The following AFF3 variants were observed in gnomAD, a reference collection of about 807,000 sequenced individuals.
AFF3 encodes ALF transcription elongation factor 3.
A neutral mutation model predicts 129.7 loss-of-function variants in AFF3; 32 were observed. That is an observed-to-expected ratio of 0.25 (90% CI 0.19 to 0.33). The LOEUF (loss-of-function observed/expected upper bound fraction) is 0.33, where lower values mean the gene tolerates loss of function less well. AFF3 is among the 10% of genes least tolerant of loss of function. The pLI, the probability that AFF3 is intolerant of heterozygous loss-of-function variation, is 1.00. For missense variants in AFF3, 1,373 were observed against 1,592.0 expected (o/e 0.86, Z 2.34); for synonymous variants, 644 against 635.4 (o/e 1.01, Z -0.20).
intron 4 of AFF3, among the ~76,000 whole-genome samples, chr2:100,070,526 C>T (rs946057088): frequency 2.0e-5 from 3 of 152,158 alleles, no homozygotes; most frequent in African/African-American, 7.2e-5. Flanking sequence ...ATACGATGTT[C>T]ATAGTTTATT....
intron 2 of AFF3, among the ~76,000 whole-genome samples, chr2:100,109,049 G>C (rs1691425250): frequency 6.8e-6 from 1 of 147,932 alleles, no homozygotes; most frequent in Admixed American, 6.9e-5. Context: ...TCAGAAGTCT[G>C]TGGAAACAGC....
chr2:99,691,923 A>G (rs978194429), intron 11 of AFF3, among the ~76,000 whole-genome samples: 1 of 152,256 alleles, frequency 6.6e-6, no homozygotes, highest in Non-Finnish European at 1.5e-5. Context: ...AGCATATTTA[A>G]TTAGTGGCAA....
intron 7 of AFF3, among the ~76,000 whole-genome samples, chr2:99,892,043 C>T (rs1020012269): frequency 1.8e-4 from 27 of 152,244 alleles, no homozygotes; most frequent in Non-Finnish European, 3.4e-4. Context: ...AGGATGGTCT[C>T]AATCTCCTGA....
At chr2:99,578,192 A>C in intron 18 of AFF3, 135 bp downstream of exon 18, 1 of 1,287,774 alleles carries the variant, frequency 7.8e-7, no homozygotes, top group Admixed American at 2.8e-5. Context: ...GGGACATTTA[A>C]ATGACCAAGT....
intron 13 of AFF3, among the ~76,000 whole-genome samples, chr2:99,626,313 C>T (rs72966278): frequency 0.16 from 22,379 of 140,026 alleles, 1,759 homozygotes; most frequent in Non-Finnish European, 0.19. Context: ...AGTCTGCCTC[C>T]CTCCCTTCCT....
At position 99,568,920 on chromosome 2, in the gene AFF3, A is replaced by G. The variant is rs761775003; in HGVS notation, c.2919-5T>C. On this transcript the variant is annotated splice_region_variant and splice_polypyrimidine_tract_variant and intron_variant, in intron 18 of 24. Transcript: ENST00000672756. The stretch of plus-strand genomic sequence containing the variant: ...AAATAATCGGCACTGCGAGGCCTAC[A>G]AGGAGAGAATGATATTAAACGTCAT... 1.2e-6 allele frequency: 2 copies of G among 1,613,860 alleles called. No homozygotes were observed. Among genetic ancestry groups the G allele is most frequent in the Admixed American group, 3.3e-5 (2 of 60,036 alleles).
chr2:99,630,259 G>T (rs139619102), intron 13 of AFF3, among the ~76,000 whole-genome samples: 1 of 152,330 alleles, frequency 6.6e-6, no homozygotes, highest in Non-Finnish European at 1.5e-5. Flanking sequence ...TGCAAAGGGG[G>T]AGGTTAACAC....
chr2:100,038,351 T>A (rs1685147114), intron 4 of AFF3, among the ~76,000 whole-genome samples: 1 of 151,420 alleles, frequency 6.6e-6, no homozygotes, highest in Non-Finnish European at 1.5e-5. Context: ...AACAATCAAG[T>A]TGTCTTATAT....
intron 7 of AFF3, among the ~76,000 whole-genome samples, chr2:99,915,943 T>A (rs1695446542): frequency 6.6e-6 from 1 of 151,978 alleles, no homozygotes; most frequent in African/African-American, 2.4e-5. Context: ...TGAAGAAGAG[T>A]CTGAAATGCT....
chr2:99,977,297 C>T (rs564416139), intron 7 of AFF3, among the ~76,000 whole-genome samples: 6 of 152,270 alleles, frequency 3.9e-5, no homozygotes, highest in South Asian at 2.1e-4. Flanking sequence ...GTCTATCAAT[C>T]GCTCTCACTG....
rs72817099 is a variant in AFF3 at position 99,806,394 on chromosome 2, C to T, written c.921+31083G>A. On this transcript the variant is annotated intron_variant, in intron 8 of 24. Transcript: ENST00000672756. ...TCATGTTCCAGGAAAAGGGCAGACA[C>T]GTAAACAAGCCTAACACTGCAAATG... Among the ~76,000 whole-genome samples, 956 of 152,288 alleles carry T rather than the reference C, an allele frequency of 6.3e-3. 2 individuals are homozygous for T. Among genetic ancestry groups the T allele is most frequent in the Middle Eastern group, 0.017 (5 of 294 alleles).
At chr2:100,108,864 C>G (rs1691414742) in intron 2 of AFF3, among the ~76,000 whole-genome samples, 1 of 142,548 alleles carries the variant, frequency 7.0e-6, no homozygotes, top group African/African-American at 2.6e-5. Context: ...CACTGACATT[C>G]TACACCCTGG....
In AFF3 at chr2:99,549,941, C is replaced by T. The variant is rs1674291869; in HGVS notation, c.*1533G>A. The T allele has an allele frequency of 4.7e-6, 1 of 213,126 alleles. No individual in the cohort carries two copies. Among genetic ancestry groups the T allele is most frequent in the African/African-American group, 2.3e-5 (1 of 44,272 alleles). The allele number at this position is 213,126 out of a possible 1,614,324, so 13.2% of individuals were successfully genotyped here. Reference sequence around the variant, plus strand: ...AAAATGGATTGCACCACATATTACACCGCCTGCCTTTCTCAGACCGTCCTG... The same window carrying T: ...AAAATGGATTGCACCACATATTACATCGCCTGCCTTTCTCAGACCGTCCTG... On this transcript the variant is annotated 3_prime_UTR_variant, in exon 25 of 25. Transcript: ENST00000672756.
intron 7 of AFF3, among the ~76,000 whole-genome samples, chr2:99,992,933 G>A (rs191431715): frequency 2.0e-5 from 3 of 152,282 alleles, no homozygotes; most frequent in East Asian, 3.9e-4. Flanking sequence ...TGGCCAGTAC[G>A]GTGTGAGAAA....
intron 13 of AFF3, chr2:99,631,026 G>A: frequency 2.2e-6 from 1 of 461,782 alleles, no homozygotes; most frequent in Non-Finnish European, 4.5e-6. Context: ...CTGAAGACAG[G>A]GAAACACTGT....
intron 11 of AFF3, among the ~76,000 whole-genome samples, chr2:99,725,081 C>T (rs1679253427): frequency 1.3e-5 from 2 of 151,858 alleles, no homozygotes; most frequent in African/African-American, 4.8e-5. Flanking sequence ...AGTGATTCTC[C>T]TGACTCAGCC....
rs1317146316 is a variant in AFF3, at chr2:100,007,354, C to A, written c.281G>T (p.Gly94Val). ...CTGAGGAACCCCAGGTTTGGGAACT[C>A]CAACGAGATGACTCTGATTGGATCT... is the stretch of plus-strand genomic sequence containing the variant. ...TDRSNQSHLV[G>V]VPKPGVPQTP... is the part of the protein sequence containing the mutation. Residue 94 changes from glycine to valine, a missense_variant, in exon 6 of 25, where the codon GGA becomes GTA. Around this residue, in one of 9 missense-constraint regions of AFF3, gnomAD observed 255 missense variants for 256.0 expected, o/e 1.00. Coordinates refer to ENST00000672756, the MANE Select transcript of AFF3 (RefSeq NM_001386135.1). 1 of 1,614,154 alleles carries A rather than the reference C, an allele frequency of 6.2e-7. No homozygotes were observed. Among genetic ancestry groups the A allele is most frequent in the African/African-American group, 1.3e-5 (1 of 75,042 alleles).
intron 4 of AFF3, among the ~76,000 whole-genome samples, chr2:100,031,754 C>T (rs887353302): frequency 6.6e-6 from 1 of 152,144 alleles, no homozygotes; most frequent in African/African-American, 2.4e-5. Flanking sequence ...TTGAGCAACA[C>T]AATAAAGTAG....
chr2:99,629,864 G>A (rs949242225), intron 13 of AFF3, among the ~76,000 whole-genome samples: 8 of 152,112 alleles, frequency 5.3e-5, no homozygotes, highest in African/African-American at 1.9e-4. Context: ...CTACCCTTAT[G>A]ACCTCACCTA....
Sources: allele counts gnomAD v4.1 joint callset (sites outside exome capture counted in the v4.1 genomes callset), GRCh38; gene constraint gnomAD v4.1.1; regional missense constraint gnomAD v4.1.1; transcripts MANE v1.5; gene names NCBI Gene and HGNC (gene_info 2026-07-23, HGNC 2026-07-21).